The following CDH13 variants were observed in gnomAD, a reference collection of about 807,000 sequenced individuals.
The protein encoded by CDH13 is cadherin 13.
In CDH13, 24 loss-of-function variants were observed where a neutral mutation model predicts 63.8. That is an observed-to-expected ratio of 0.38 (90% CI 0.27 to 0.53). The LOEUF is 0.53. Among genes scored for constraint, CDH13 ranks in the 20% least tolerant of loss-of-function variants. The probability of loss-of-function intolerance (pLI) is 0.85; values close to 1 mark genes in which losing one functional copy is unlikely to be tolerated. For missense variants in CDH13, 1,049 were observed against 903.1 expected, an observed-to-expected ratio of 1.16 and a Z score of -2.07; for synonymous variants, 503 against 355.3, an observed-to-expected ratio of 1.42 and a Z score of -4.67.
At chr16:82,706,307 T>A (rs1375108480) in intron 1 of CDH13, among the ~76,000 whole-genome samples, 1 of 152,102 alleles carries the variant, frequency 6.6e-6, no homozygotes, top group Non-Finnish European at 1.5e-5. Context: ...AATAAACAGT[T>A]AACAAGATAA....
intron 1 of CDH13, among the ~76,000 whole-genome samples, chr16:82,813,356 C>T (rs1367328008): frequency 6.6e-6 from 1 of 152,158 alleles, no homozygotes; most frequent in African/African-American, 2.4e-5. Flanking sequence ...ATCTCTGCAG[C>T]TGCTGCACCT....
chr16:83,157,530 G>A (rs1263519535), intron 4 of CDH13, among the ~76,000 whole-genome samples: 3 of 152,096 alleles, frequency 2.0e-5, no homozygotes, highest in African/African-American at 4.8e-5. Flanking sequence ...TCATTTAAGG[G>A]AACTAGAGCT....
intron 2 of CDH13, among the ~76,000 whole-genome samples, chr16:83,006,936 T>G (rs148519892): frequency 0.045 from 6,665 of 148,372 alleles, 563 homozygotes; most frequent in African/African-American, 0.14. Context: ...TTGTTTGTTT[T>G]TTTTGAGACA....
intron 1 of CDH13, among the ~76,000 whole-genome samples, chr16:82,734,211 G>C (rs1304628590): frequency 6.6e-6 from 1 of 152,330 alleles, no homozygotes; most frequent in Non-Finnish European, 1.5e-5. Flanking sequence ...ATCTCAGCCA[G>C]GCCCATTAGT....
chr16:82,868,124 A>G (rs1299902780), intron 2 of CDH13, among the ~76,000 whole-genome samples: 1 of 152,238 alleles, frequency 6.6e-6, no homozygotes, highest in Admixed American at 6.5e-5. Flanking sequence ...ACAGAGCTGG[A>G]CAAGGTTGGG....
At chr16:83,614,278 G>A (rs1909102177) in intron 8 of CDH13, among the ~76,000 whole-genome samples, 1 of 152,162 alleles carries the variant, frequency 6.6e-6, no homozygotes, top group Admixed American at 6.5e-5. Context: ...TTTCAAGGGT[G>A]GGTCTACTTC....
chr16:83,475,355 C>G (rs567709473), intron 6 of CDH13, among the ~76,000 whole-genome samples: 1 of 152,322 alleles, frequency 6.6e-6, no homozygotes, highest in East Asian at 1.9e-4. Flanking sequence ...CTCTGCCGCT[C>G]CTGCAGCAGT....
chr16:82,678,176 T>TTGGA (rs1047286407), intron 1 of CDH13, among the ~76,000 whole-genome samples: 19 of 152,200 alleles, frequency 1.2e-4, no homozygotes, highest in African/African-American at 4.6e-4. Flanking sequence ...ATGCTGTGTA[T>TTGGA]TGGATGGATG....
chr16:83,368,965 T>C (rs2091310888), intron 6 of CDH13, among the ~76,000 whole-genome samples: 3 of 124,576 alleles, frequency 2.4e-5, no homozygotes, highest in African/African-American at 9.7e-5. Flanking sequence ...TGTTCATTGA[T>C]TGATGGGCAC....
chr16:83,022,728 A>C (rs1427054832), intron 2 of CDH13, among the ~76,000 whole-genome samples: 1 of 152,178 alleles, frequency 6.6e-6, no homozygotes, highest in Non-Finnish European at 1.5e-5. Context: ...GTGGAATCTG[A>C]CCATCCACTC....
chr16:82,866,663 A>G (rs2040157714), intron 2 of CDH13, among the ~76,000 whole-genome samples: 1 of 152,064 alleles, frequency 6.6e-6, no homozygotes, highest in Non-Finnish European at 1.5e-5. Context: ...TGGGTAGTTT[A>G]TAAAGATAAG....
At chr16:82,703,730 A>T (rs1331657413) in intron 1 of CDH13, among the ~76,000 whole-genome samples, 1 of 152,208 alleles carries the variant, frequency 6.6e-6, no homozygotes, top group African/African-American at 2.4e-5. Flanking sequence ...CAGAAATCAC[A>T]GCCAATAGAT....
At chr16:83,456,938 G>T (rs557048902) in intron 6 of CDH13, among the ~76,000 whole-genome samples, 54 of 152,232 alleles carry the variant, frequency 3.5e-4, no homozygotes, top group Non-Finnish European at 4.4e-4. Context: ...CTCCAGCCTG[G>T]GTGACAGAGT....
intron 5 of CDH13, among the ~76,000 whole-genome samples, chr16:83,293,808 G>A (rs1452199965): frequency 6.6e-6 from 1 of 152,124 alleles, no homozygotes; most frequent in Non-Finnish European, 1.5e-5. Flanking sequence ...CTCAGCTACA[G>A]TTTCTTCCCA....
chr16:83,144,412 G>A (rs1040638715), intron 4 of CDH13, among the ~76,000 whole-genome samples: 1 of 152,174 alleles, frequency 6.6e-6, no homozygotes, highest in African/African-American at 2.4e-5. Flanking sequence ...TAAATAAGAA[G>A]CAGTAGTCCA....
intron 13 of CDH13, among the ~76,000 whole-genome samples, chr16:83,784,707 CG>C (rs1883072781): frequency 6.6e-6 from 1 of 151,774 alleles, no homozygotes; most frequent in Non-Finnish European, 1.5e-5. Context: ...TTTCTGAAAG[CG>C]AACATATCAT....
intron 5 of CDH13, among the ~76,000 whole-genome samples, chr16:83,218,777 CT>C (rs1479530088): frequency 6.6e-6 from 1 of 152,150 alleles, no homozygotes; most frequent in Non-Finnish European, 1.5e-5. Context: ...AATTGTAGCT[CT>C]GAGAATTCAC....
At chr16:83,264,510 G>GT (rs1567549065) in intron 5 of CDH13, among the ~76,000 whole-genome samples, 1 of 150,682 alleles carries the variant, frequency 6.6e-6, no homozygotes, top group Non-Finnish European at 1.5e-5. Flanking sequence ...ACATGTATGT[G>GT]TGTGTATATG....
intron 7 of CDH13, among the ~76,000 whole-genome samples, chr16:83,578,384 G>A (rs2150717241): frequency 6.6e-6 from 1 of 152,282 alleles, no homozygotes; most frequent in East Asian, 1.9e-4. Context: ...TCTGTTAAAG[G>A]AGACAGGGCT....
Sources: allele counts gnomAD v4.1 joint callset (sites outside exome capture counted in the v4.1 genomes callset), GRCh38; gene constraint gnomAD v4.1.1; transcripts MANE v1.5; gene names NCBI Gene and HGNC (gene_info 2026-07-23, HGNC 2026-07-21).